NCOR2: variants seen among roughly 807,000 people sequenced by gnomAD.
The protein encoded by NCOR2 is CTG repeat protein 26.
Under a neutral mutation model 262.9 loss-of-function variants are expected in NCOR2, and 81 were observed. That is an observed-to-expected ratio of 0.31 (90% CI 0.26 to 0.37). NCOR2 has a LOEUF of 0.37. Among genes scored for constraint, NCOR2 ranks in the 10% least tolerant of loss-of-function variants. The probability of loss-of-function intolerance (pLI) is 1.00; values close to 1 mark genes in which losing one functional copy is unlikely to be tolerated. For missense variants in NCOR2, 3,385 were observed against 3,621.4 expected, an observed-to-expected ratio of 0.93 and a Z score of 1.68; for synonymous variants, 1,659 against 1,559.3, an observed-to-expected ratio of 1.06 and a Z score of -1.51.
intron 12 of NCOR2, among the ~76,000 whole-genome samples, chr12:124,422,126 G>A (rs753784989): frequency 9.2e-5 from 14 of 152,212 alleles, no homozygotes; most frequent in African/African-American, 1.7e-4. Context: ...TGCCAGGCAC[G>A]TAGTGCTTCC....
At position 124,347,911 on chromosome 12, in the gene NCOR2, C is replaced by T. The variant is rs773779630; in HGVS notation, c.3986G>A (p.Gly1329Asp). The change falls in exon 30 of 47, where the codon GGT (glycine) becomes GAT (aspartate). Residue 1329 changes from glycine to aspartate, a missense_variant and splice_region_variant. By Grantham distance (94) the Gly-to-Asp change is moderately conservative. Coordinates refer to ENST00000405201, the Ensembl canonical transcript of NCOR2. The stretch of plus-strand genomic sequence containing the variant: ...CGGCGGGATGGCACGGCCCATGAGA[C>T]CTGGGTAGGAGAGGGTGAGGCCATC... The T allele has an allele frequency of 9.0e-6, 14 of 1,558,844 alleles. No individual in the cohort carries two copies. The South Asian group carries it at 1.5e-4, about 17-fold the overall frequency.
chr12:124,426,589 C>T (rs764533701), intron 11 of NCOR2, 33 bp downstream of exon 13: 6 of 1,533,850 alleles, frequency 3.9e-6, no homozygotes, highest in Non-Finnish European at 5.3e-6. Context: ...GGGTGGGGGG[C>T]CGGGAGGCCA....
rs1182243935 is a variant in NCOR2, at chr12:124,433,863, C to CACACACACACACACACACACACACACAA, written c.883-3077_883-3076insTTGTGTGTGTGTGTGTGTGTGTGTGTGT. On this transcript the variant is annotated intron_variant, in intron 8 of 46. Coordinates refer to ENST00000405201, the Ensembl canonical transcript of NCOR2. ...TCTGTCTTACACACACACACACACACACACACACACACACACACACACACA... is the reference window on the plus strand; with the variant it reads ...TCTGTCTTACACACACACACACACACACACACACACACACACACACACACACAAACACACACACACACACACACACACA... Among the ~76,000 whole-genome samples the CACACACACACACACACACACACACACAA allele has an allele frequency of 6.8e-4, 41 of 60,324 alleles. 1 individual carries two copies. Among genetic ancestry groups the CACACACACACACACACACACACACACAA allele is most frequent in the Non-Finnish European group, 9.6e-4 (31 of 32,314 alleles). 39.6% of individuals were successfully genotyped at this position (60,324 alleles called of 152,430 possible).
intron 2 of NCOR2, 90 bp downstream of exon 4, chr12:124,486,351 G>C: frequency 1.3e-6 from 2 of 1,528,100 alleles, no homozygotes; most frequent in Middle Eastern, 3.6e-4. Context: ...ACAGGACCCT[G>C]TGTGCTCCTG....
At chr12:124,460,534 C>T (rs556917075) in intron 5 of NCOR2, among the ~76,000 whole-genome samples, 6 of 152,312 alleles carry the variant, frequency 3.9e-5, no homozygotes, top group South Asian at 2.1e-4. Context: ...GTCCACATCC[C>T]GGATGTGCCT....
At position 124,388,865 on chromosome 12, in the gene NCOR2, TGAGGGAGGGAGGGAGGGAGGGAGG is replaced by T. The variant is rs6144913; in HGVS notation, c.1877-3002_1877-2979del. ...CCTCACATCCTTCTCCGTCCCACGG[TGAGGGAGGGAGGGAGGGAGGGAGG>T]GAGGGAGCGAGGGAGGGAGGGACGC... On this transcript the variant is annotated intron_variant, in intron 16 of 46. Coordinates refer to ENST00000405201, the Ensembl canonical transcript of NCOR2. 25 of 379,432 alleles carry T rather than the reference TGAGGGAGGGAGGGAGGGAGGGAGG, an allele frequency of 6.6e-5. 1 individual carries two copies. The highest frequency in any genetic ancestry group is 1.1e-4 in the Admixed American group (2 of 18,076). 23.5% of individuals were successfully genotyped at this position (379,432 alleles called of 1,614,324 possible).
intron 44 of NCOR2, among the ~76,000 whole-genome samples, chr12:124,329,468 GACAA>G (rs1194684610): frequency 1.3e-5 from 2 of 151,060 alleles, no homozygotes; most frequent in African/African-American, 2.4e-5. Flanking sequence ...CAAACAAACA[GACAA>G]ACAAACAAAC....
intron 6 of NCOR2, among the ~76,000 whole-genome samples, chr12:124,453,748 G>A (rs1016265963): frequency 1.3e-5 from 2 of 152,230 alleles, no homozygotes; most frequent in African/African-American, 4.8e-5. Context: ...CGGCAGAGAG[G>A]TCGGGGCTGC....
intron 3 of NCOR2, among the ~76,000 whole-genome samples, chr12:124,473,750 T>C (rs1054497674): frequency 1.3e-5 from 2 of 152,074 alleles, no homozygotes; most frequent in Non-Finnish European, 2.9e-5. Context: ...TGAGTACAAT[T>C]AAACCTCTTT....
chr12:124,398,288 G>T, intron 15 of NCOR2, 107 bp from the exon 18 acceptor site: 1 of 1,234,252 alleles, frequency 8.1e-7, no homozygotes, highest in Non-Finnish European at 1.2e-6. Context: ...AGGCCTTGAC[G>T]GTGTCACCGC....
chr12:124,506,198 C>T (rs904928930), intron 1 of NCOR2, among the ~76,000 whole-genome samples: 1 of 152,220 alleles, frequency 6.6e-6, no homozygotes, highest in Non-Finnish European at 1.5e-5. Flanking sequence ...ATTCGCCCCA[C>T]TGAACAGATC....
chr12:124,333,063 C>T, intron 42 of NCOR2, 67 bp downstream of exon 44: 1 of 1,516,316 alleles, frequency 6.6e-7, no homozygotes, highest in Non-Finnish European at 8.9e-7. Context: ...CCACGGTGGA[C>T]TGGGGCCAAG....
intron 16 of NCOR2, among the ~76,000 whole-genome samples, chr12:124,397,759 C>T (rs2041776152): frequency 6.6e-6 from 1 of 152,168 alleles, no homozygotes; most frequent in Admixed American, 6.5e-5. Context: ...CTCTGACTGT[C>T]CCGAGATACC....
intron 8 of NCOR2, 82 bp downstream of exon 10, chr12:124,437,848 G>T: frequency 7.4e-7 from 1 of 1,357,232 alleles, no homozygotes. Flanking sequence ...AACTGACAGG[G>T]CCCCGGCAGG....
chr12:124,444,745 T>G (rs1702320), intron 7 of NCOR2, among the ~76,000 whole-genome samples: 127,497 of 151,962 alleles, frequency 0.84, 54,027 homozygotes, highest in East Asian at 0.99. Context: ...CGGGTTGGGG[T>G]GATGGTCTGA....
At chr12:124,515,939 C>T (rs907177323) in intron 1 of NCOR2, among the ~76,000 whole-genome samples, 4 of 152,180 alleles carry the variant, frequency 2.6e-5, no homozygotes, top group African/African-American at 7.2e-5. Context: ...TCTTCTCCAC[C>T]GGGTAGGAAA....
chr12:124,460,299 C>A (rs141952290), intron 5 of NCOR2, among the ~76,000 whole-genome samples: 1 of 152,230 alleles, frequency 6.6e-6, no homozygotes, highest in Non-Finnish European at 1.5e-5. Context: ...CTGGCTCCCT[C>A]GCTCAGGCGG....
At chr12:124,412,446 C>G (rs2042632984) in intron 13 of NCOR2, among the ~76,000 whole-genome samples, 1 of 152,254 alleles carries the variant, frequency 6.6e-6, no homozygotes, top group South Asian at 2.1e-4. Context: ...TGCAGATGCA[C>G]AGGCTGCCTC....
At chr12:124,462,298 A>G (rs1368515712) in intron 5 of NCOR2, among the ~76,000 whole-genome samples, 1 of 152,158 alleles carries the variant, frequency 6.6e-6, no homozygotes, top group Non-Finnish European at 1.5e-5. Flanking sequence ...CTTCTCTGCC[A>G]CACTGGCTTC....
Sources: gnomAD v4.1 joint callset for allele counts (sites outside exome capture counted in the v4.1 genomes callset) on GRCh38, gnomAD v4.1.1 for gene constraint, MANE v1.5 for transcripts, NCBI Gene and HGNC (gene_info 2026-07-23, HGNC 2026-07-21) for gene names.